Variants in NUP155 observed in about 807,000 individuals in gnomAD.
The protein encoded by NUP155 is nucleoporin 155, also known as nuclear pore complex protein Nup155.
A neutral mutation model predicts 180.4 loss-of-function variants in NUP155; 71 were observed. The observed-to-expected ratio is 0.39, with a 90% CI of 0.33 to 0.48. NUP155 has a LOEUF of 0.48. Ranked by LOEUF, NUP155 falls within the 20% of genes least tolerant of loss-of-function variation. The pLI, the probability that NUP155 is intolerant of heterozygous loss-of-function variation, is 0.91. For missense variants in NUP155, 1,553 were observed against 1,648.9 expected (o/e 0.94, Z 1.01); for synonymous variants, 582 against 559.5 (o/e 1.04, Z -0.57).
Position 37,328,363 on chromosome 5 carries a change from G to C in NUP155, c.1871C>G (p.Ser624Cys), listed in dbSNP as rs775453999. Residue 624 changes from serine (S) to cysteine (C), a missense_variant, in exon 17 of 35, where the codon TCT becomes TGT. Physicochemically the swap from Ser to Cys is moderately radical, Grantham distance 112. Transcript: ENST00000231498. ...AAAACAAAGAAAAGAGGTACCATGAGACGGTGTTCCCAAAAAGGATGGATT... is the reference window on the plus strand; with the variant it reads ...AAAACAAAGAAAAGAGGTACCATGACACGGTGTTCCCAAAAAGGATGGATT... Reference protein sequence around the residue: ...YPNPSFLGTPSHGIQPPAMST... With the variant: ...YPNPSFLGTPCHGIQPPAMST... The C allele has an allele frequency of 6.2e-7, 1 of 1,606,058 alleles. No homozygotes were observed. Among genetic ancestry groups the C allele is most frequent in the African/African-American group, 1.3e-5 (1 of 74,738 alleles).
chr5:37,310,582 T>C lies in NUP155; in HGVS notation c.2598A>G (p.Leu866=), dbSNP rs139162304. The C allele has an allele frequency of 2.9e-5, 46 of 1,613,550 alleles. No homozygotes were observed. In the African/African-American group the frequency reaches 2.9e-4, roughly 10 times the overall value. ...SLHLQDICPL[L]YSTDDAICSK... is the part of the protein sequence containing the mutation. ...AACAAATTGCATCATCAGTGCTATA[T>C]AGAAGTGGGCAGATATCCTGTAAAT... The change falls in exon 23 of 35, where the codon CTA becomes CTG. Residue 866 remains leucine (L), a synonymous_variant. Coordinates refer to ENST00000231498, the MANE Select transcript of NUP155 (RefSeq NM_153485.3).
chr5:37,314,908 G>A (rs1261715823), intron 21 of NUP155, among the ~76,000 whole-genome samples: 1 of 151,834 alleles, frequency 6.6e-6, no homozygotes, highest in African/African-American at 2.4e-5. Context: ...AGTAACTTGG[G>A]ACAAAAGTAA....
chr5:37,346,624 T>C (rs1746104630), intron 9 of NUP155, among the ~76,000 whole-genome samples: 1 of 151,178 alleles, frequency 6.6e-6, no homozygotes, highest in African/African-American at 2.4e-5. Flanking sequence ...GGGAGCCAAG[T>C]CGCGCCATTG....
chr5:37,339,356 G>T (rs187315778), intron 11 of NUP155, among the ~76,000 whole-genome samples: 1 of 150,126 alleles, frequency 6.7e-6, no homozygotes, highest in Non-Finnish European at 1.5e-5. Flanking sequence ...TTGCCAACAC[G>T]GTGGCTCACG....
intron 1 of NUP155, among the ~76,000 whole-genome samples, chr5:37,367,768 C>G (rs1159217241): frequency 6.6e-6 from 1 of 151,618 alleles, no homozygotes; most frequent in African/African-American, 2.4e-5. Flanking sequence ...CTCCTGACCT[C>G]GTGATCCGCC....
chr5:37,331,020 G>C (rs933069315), intron 14 of NUP155, among the ~76,000 whole-genome samples: 1 of 151,850 alleles, frequency 6.6e-6, no homozygotes, highest in Non-Finnish European at 1.5e-5. Context: ...GTGGTGGGGG[G>C]GTCCTGTAGT....
chr5:37,314,411 A>AGTTAAGGGCTTAACTGTAGTT (rs1266243846), intron 21 of NUP155, 83 bp from the exon 22 acceptor site: 2 of 1,067,568 alleles, frequency 1.9e-6, no homozygotes, highest in Admixed American at 4.3e-5. Context: ...GTTAAGGTTG[A>AGTTAAGGGCTTAACTGTAGTT]AATCCCTGTT....
chr5:37,332,187 A>C (rs1385549314), intron 13 of NUP155, among the ~76,000 whole-genome samples: 1 of 145,172 alleles, frequency 6.9e-6, no homozygotes, highest in African/African-American at 2.7e-5. Context: ...AAAAAAAAAA[A>C]GCTAGAAACA....
chr5:37,318,393 G>A (rs6880319), intron 20 of NUP155, among the ~76,000 whole-genome samples: 7,066 of 151,002 alleles, frequency 0.047, 564 homozygotes, highest in African/African-American at 0.17. Context: ...AGGAAATTAC[G>A]GAAGAGAAGA....
Position 37,330,066 on chromosome 5 carries a change from A to G in NUP155, c.1696T>C (p.Ser566Pro), listed in dbSNP as rs1744856995. The G allele has an allele frequency of 1.2e-6, 2 of 1,613,616 alleles. No individual in the cohort carries two copies. Among genetic ancestry groups the G allele is most frequent in the Non-Finnish European group, 1.7e-6 (2 of 1,179,770 alleles). The change falls in exon 15 of 35, where the codon TCT becomes CCT. Residue 566 changes from serine to proline, a missense_variant. Physicochemically the swap from Ser to Pro is moderately conservative, Grantham distance 74. Transcript: ENST00000231498. ...AAGAAAGCCCGAGTAGCCCAGGCAG[A>G]TACTTCTCTATCACAGGCAGCAGTG... ...CSTAACDREV[S>P]AWATRAFFRY...
intron 9 of NUP155, among the ~76,000 whole-genome samples, chr5:37,344,898 G>A (rs1581190497): frequency 6.6e-6 from 1 of 151,866 alleles, no homozygotes; most frequent in Middle Eastern, 3.4e-3. Flanking sequence ...AGATTTTGGG[G>A]GCACGGTGGT....
chr5:37,354,389 C>T (rs984927795), intron 4 of NUP155, among the ~76,000 whole-genome samples: 2 of 151,956 alleles, frequency 1.3e-5, no homozygotes, highest in Admixed American at 6.6e-5. Flanking sequence ...AGTTGATCCA[C>T]CCGCCCCAGC....
chr5:37,343,610 G>C (rs1483105716), intron 9 of NUP155, among the ~76,000 whole-genome samples: 4 of 152,050 alleles, frequency 2.6e-5, no homozygotes, highest in Non-Finnish European at 5.9e-5. Flanking sequence ...AAGGAGAAAG[G>C]CCAGGTGCAG....
In NUP155 at chr5:37,358,105, C is replaced by T; in HGVS notation, c.439G>A (p.Val147Met). The T allele has an allele frequency of 1.2e-6, 2 of 1,613,316 alleles. No homozygotes were observed. The highest frequency in any genetic ancestry group is 1.1e-5 in the South Asian group (1 of 91,076). The change falls in exon 4 of 35, where the codon GTG becomes ATG. Residue 147 changes from valine to methionine, a missense_variant. Val to Met is a conservative substitution (Grantham distance 21). Coordinates refer to ENST00000231498, the MANE Select transcript of NUP155 (RefSeq NM_153485.3). ...CCTGCTTTTGGCTTCACAAGCCCCA[C>T]AGCAAGAATAGTCTCACTAAGTCCA... ...FDGLSETILAVGLVKPKAGIF... is the reference protein window; with the variant it reads ...FDGLSETILAMGLVKPKAGIF...
intron 10 of NUP155, 53 bp downstream of exon 10, chr5:37,342,496 G>T (rs1186346050): frequency 8.9e-7 from 1 of 1,121,326 alleles, no homozygotes; most frequent in Non-Finnish European, 1.3e-6. Flanking sequence ...CCAAATCTAA[G>T]AATTTTCAGA....
chr5:37,352,817 G>A lies in NUP155; in HGVS notation c.476C>T (p.Pro159Leu), dbSNP rs763066633. 10 of 1,612,420 alleles carry A rather than the reference G, an allele frequency of 6.2e-6. No individual in the cohort carries two copies. Among genetic ancestry groups the A allele is most frequent in the African/African-American group, 1.3e-5 (1 of 74,966 alleles). The change falls in exon 5 of 35, where the codon CCT becomes CTT. Residue 159 changes from proline (P) to leucine (L), a missense_variant. By Grantham distance (98) the Pro-to-Leu change is moderately conservative. Transcript: ENST00000231498. The stretch of plus-strand genomic sequence containing the variant: ...CAAAACCAGGAGGTGTCGCACATGA[G>A]GTTGAAAGATGCCTAAGATAAAGTA... ...LVKPKAGIFQ[P>L]HVRHLLVLAT...
intron 25 of NUP155, 135 bp downstream of exon 25, chr5:37,307,162 C>T (rs1743204955): frequency 3.8e-6 from 3 of 797,710 alleles, no homozygotes; most frequent in South Asian, 3.3e-5. Flanking sequence ...CACACGACTG[C>T]ACTCCAGCCC....
Position 37,350,325 on chromosome 5 carries a change from C to T in NUP155, c.724-60G>A, listed in dbSNP as rs217775. The T allele has an allele frequency of 7.0e-3, 7,219 of 1,033,550 alleles. 359 individuals are homozygous for T. The African/African-American group carries it at 0.1, about 14-fold the overall frequency. The allele number at this position is 1,033,550 out of a possible 1,614,324, so 64.0% of individuals were successfully genotyped here. A position where few individuals can be genotyped will look rare whatever the true frequency, so the allele number is the denominator to read the frequency against. ...GTATGTAACTCCCTTACAATAACTA[C>T]TGTATATCCATATTTATAAAAACCT... On this transcript the variant is annotated intron_variant, in intron 6 of 34. Transcript: ENST00000231498.
chr5:37,323,409 T>C (rs1355065381), intron 20 of NUP155, among the ~76,000 whole-genome samples: 1 of 152,122 alleles, frequency 6.6e-6, no homozygotes, highest in Non-Finnish European at 1.5e-5. Flanking sequence ...TAGTAATACA[T>C]GCTACAACAA....
Sources: gnomAD v4.1 joint callset for allele counts (sites outside exome capture counted in the v4.1 genomes callset) on GRCh38, gnomAD v4.1.1 for gene constraint, MANE v1.5 for transcripts, NCBI Gene and HGNC (gene_info 2026-07-23, HGNC 2026-07-21) for gene names.